The following CROCC2 variants were observed in gnomAD, a reference collection of about 807,000 sequenced individuals.
CROCC2 encodes ciliary rootlet coiled-coil, rootletin family member 2.
CROCC2 carries 163 observed loss-of-function variants against 177.6 expected under a neutral mutation model. That is an observed-to-expected ratio of 0.92 (90% CI 0.81 to 1.05). CROCC2 has a LOEUF of 1.05. CROCC2 is among the 50% of genes least tolerant of loss of function. The pLI is 0.00. For missense variants in CROCC2, 1,929 were observed against 1,797.8 expected (o/e 1.07, Z -1.32); for synonymous variants, 904 against 787.3 (o/e 1.15, Z -2.48).
rs1291402055 is a variant in CROCC2, at chr2:240,989,828, G to A, written c.4858G>A (p.Glu1620Lys). The change falls in exon 30 of 32, where the codon GAG becomes AAG. Residue 1620 changes from glutamate (E) to lysine (K), a missense_variant. Coordinates refer to ENST00000690015, the MANE Select transcript of CROCC2 (RefSeq NM_001351305.2). ...CCAGCAGCAGGTAAAGGTGCTGGAA[G>A]AGCAGGTAAGGTCGGGACCCCAGCC... ...THQQQVKVLE[E>K]QVASLKEQLD... 3 of 1,540,578 alleles carry A rather than the reference G, an allele frequency of 1.9e-6. No homozygotes were observed. Among genetic ancestry groups the A allele is most frequent in the Non-Finnish European group, 2.6e-6 (3 of 1,139,498 alleles).
intron 1 of CROCC2, among the ~76,000 whole-genome samples, chr2:240,915,723 C>T (rs1014039413): frequency 6.6e-6 from 1 of 152,120 alleles, no homozygotes; most frequent in East Asian, 1.9e-4. Flanking sequence ...CCTGCTGGGC[C>T]ACCCCCCTCA....
chr2:240,926,806 G>A (rs1262299767), intron 5 of CROCC2, among the ~76,000 whole-genome samples: 1 of 152,282 alleles, frequency 6.6e-6, no homozygotes. Context: ...GAGAGGGAAT[G>A]CCGGCCTCTG....
intron 5 of CROCC2, among the ~76,000 whole-genome samples, chr2:240,926,328 G>C (rs188592846): frequency 6.6e-6 from 1 of 152,188 alleles, no homozygotes; most frequent in Non-Finnish European, 1.5e-5. Flanking sequence ...GAGACCCTGA[G>C]GCATGCAGGG....
Position 240,974,008 on chromosome 2 carries a change from G to A in CROCC2, c.4401+5746G>A, listed in dbSNP as rs146160205. Among the ~76,000 whole-genome samples the A allele has an allele frequency of 1.3e-3, 195 of 152,168 alleles. 2 individuals carry two copies. The highest frequency in any genetic ancestry group is 4.4e-3 in the African/African-American group (184 of 41,506). On this transcript the variant is annotated intron_variant, in intron 27 of 31. Coordinates refer to ENST00000690015, the MANE Select transcript of CROCC2 (RefSeq NM_001351305.2). ...TGCTTTCGTTTTCCATTTCTTCTCG[G>A]GTCAGTTTTGCCCTGTGGGAGTGTA...
chr2:240,927,135 T>C (rs2059400277), intron 5 of CROCC2, among the ~76,000 whole-genome samples: 1 of 152,232 alleles, frequency 6.6e-6, no homozygotes, highest in Non-Finnish European at 1.5e-5. Context: ...CTCCTTCCGC[T>C]GCTGCTGTTG....
In CROCC2 at chr2:240,966,354, T is replaced by G; in HGVS notation, c.4091T>G (p.Val1364Gly). 2.5e-6 allele frequency: 1 copy of G among 403,718 alleles called. No individual in the cohort carries two copies. Among genetic ancestry groups the G allele is most frequent in the Non-Finnish European group, 4.4e-6 (1 of 228,568 alleles). 25.0% of individuals were successfully genotyped at this position (403,718 alleles called of 1,614,324 possible). Residue 1364 changes from valine (V) to glycine (G), a missense_variant, in exon 25 of 32, where the codon GTG (valine) becomes GGG (glycine). This residue lies in a region of CROCC2 where 388 missense variants were observed against 352.7 expected (regional missense o/e 1.10). Coordinates refer to ENST00000690015, the MANE Select transcript of CROCC2 (RefSeq NM_001351305.2). ...TCAGAGCTCATGGATGTGGCCACCGTGCAGGACATCCTGCGGGACTTTGTG... is the reference window on the plus strand; with the variant it reads ...TCAGAGCTCATGGATGTGGCCACCGGGCAGGACATCCTGCGGGACTTTGTG... ...RSSELMDVATVQDILRDFVQK... is the reference protein window; with the variant it reads ...RSSELMDVATGQDILRDFVQK...
rs76892844 is a variant in CROCC2, at chr2:240,910,457, G to A, written c.78+3866G>A. 2.3e-3 allele frequency among the ~76,000 whole-genome samples: 352 copies of A among 152,224 alleles called. 7 individuals are homozygous for A. Among genetic ancestry groups the A allele is most frequent in the Admixed American group, 0.018 (280 of 15,298 alleles). ...TCCAAATTTTCAAGTTGTTGAAATT[G>A]GCAAAAGTTGTTCACAATATCTTCT... On this transcript the variant is annotated intron_variant, in intron 1 of 31. Coordinates refer to ENST00000690015, the MANE Select transcript of CROCC2 (RefSeq NM_001351305.2).
chr2:240,930,033 A>G (rs2059417551), intron 5 of CROCC2, 133 bp from the exon 6 acceptor site: 2 of 526,236 alleles, frequency 3.8e-6, no homozygotes, highest in East Asian at 5.8e-5. Flanking sequence ...TTTGCCTGTG[A>G]GATATGGGGG....
At chr2:240,983,096 G>T in intron 28 of CROCC2, 67 bp downstream of exon 28, 1 of 1,433,674 alleles carries the variant, frequency 7.0e-7, no homozygotes, top group Non-Finnish European at 9.5e-7. Flanking sequence ...ACAGGGAAGA[G>T]GCCCTGTGGT....
In CROCC2 at chr2:240,906,337, T is replaced by C. The variant is rs2106446916; in HGVS notation, c.-177T>C. ...CAATGCCTACGGGCTCAGCTGGCCA[T>C]ACTGTCTTACCCACAGGGCAAGAGC... is the stretch of plus-strand genomic sequence containing the variant. On this transcript the variant is annotated 5_prime_UTR_variant, in exon 1 of 32. Transcript: ENST00000690015. 1 of 396,390 alleles carries C rather than the reference T, an allele frequency of 2.5e-6. No individual in the cohort carries two copies. The highest frequency in any genetic ancestry group is 3.6e-5 in the East Asian group (1 of 27,970). 24.6% of individuals were successfully genotyped at this position (396,390 alleles called of 1,614,324 possible).
chr2:240,965,755 G>A lies in CROCC2; in HGVS notation c.3723G>A (p.Leu1241=). The A allele has an allele frequency of 1.3e-6, 2 of 1,520,922 alleles. No homozygotes were observed. The highest frequency in any genetic ancestry group is 2.5e-5 in the East Asian group (1 of 40,684). 94.2% of individuals were successfully genotyped at this position (1,520,922 alleles called of 1,614,324 possible). A position where few individuals can be genotyped will look rare whatever the true frequency, so the allele number is the denominator to read the frequency against. ...CTGAGCAGACCCTCCGAGCAGAGCT[G>A]CACAGTGTCACCAGGAAGCTGCAGG... ...RGAEQTLRAE[L]HSVTRKLQEA... is the part of the protein sequence containing the mutation. The change falls in exon 24 of 32, where the codon CTG becomes CTA. Residue 1241 remains leucine (L), a synonymous_variant. Coordinates refer to ENST00000690015, the MANE Select transcript of CROCC2 (RefSeq NM_001351305.2).
rs77241556 is a variant in CROCC2, at chr2:240,915,426, A to T, written c.79-3300A>T. ...AGGCAGCTGAGGCCACACGTGGTCC[A>T]TCCACTGCACCCTCACAGAGCCTCA... is the stretch of plus-strand genomic sequence containing the variant. On this transcript the variant is annotated intron_variant, in intron 1 of 31. Coordinates refer to ENST00000690015, the MANE Select transcript of CROCC2 (RefSeq NM_001351305.2). Among the ~76,000 whole-genome samples, 434 of 152,306 alleles carry T rather than the reference A, an allele frequency of 2.8e-3. 20 individuals carry two copies. The East Asian group carries it at 0.069, about 24-fold the overall frequency.
chr2:240,926,309 C>A (rs2106457808), intron 5 of CROCC2, among the ~76,000 whole-genome samples: 1 of 152,306 alleles, frequency 6.6e-6, no homozygotes, highest in South Asian at 2.1e-4. Flanking sequence ...CTTTCCCACT[C>A]CAACTTCTGA....
intron 26 of CROCC2, among the ~76,000 whole-genome samples, chr2:240,967,867 G>C (rs908565586): frequency 3.3e-5 from 5 of 151,090 alleles, no homozygotes; most frequent in Non-Finnish European, 5.9e-5. Context: ...CACCCCCTCA[G>C]AGAGGCCCCT....
chr2:240,933,456 G>T, intron 10 of CROCC2, 114 bp downstream of exon 10: 1 of 1,216,876 alleles, frequency 8.2e-7, no homozygotes, highest in South Asian at 1.6e-5. Context: ...AGCCGGGGAG[G>T]GGTCCTTGCC....
At chr2:240,983,594 G>C (rs1476748064) in intron 28 of CROCC2, 1 of 1,282,788 alleles carries the variant, frequency 7.8e-7, no homozygotes, top group Admixed American at 2.3e-5. Context: ...CGGCAGCGGT[G>C]GTCCTTAGAG....
At chr2:240,941,745 A>G (rs1305897842) in intron 14 of CROCC2, among the ~76,000 whole-genome samples, 1 of 152,224 alleles carries the variant, frequency 6.6e-6, no homozygotes, top group African/African-American at 2.4e-5. Context: ...AGACCCTTCC[A>G]GCAATACATT....
intron 13 of CROCC2, 127 bp from the exon 14 acceptor site, chr2:240,935,231 A>G: frequency 8.4e-7 from 1 of 1,187,022 alleles, no homozygotes; most frequent in Non-Finnish European, 1.1e-6. Flanking sequence ...GAGGGAGGGA[A>G]GAGAGTGCCC....
intron 1 of CROCC2, among the ~76,000 whole-genome samples, chr2:240,915,368 G>C (rs965839070): frequency 1.3e-5 from 2 of 152,252 alleles, no homozygotes; most frequent in African/African-American, 4.8e-5. Flanking sequence ...CCAGCAGCTT[G>C]CATTTCCCAG....
Sources: allele counts gnomAD v4.1 joint callset (sites outside exome capture counted in the v4.1 genomes callset), GRCh38; gene constraint gnomAD v4.1.1; regional missense constraint gnomAD v4.1.1; transcripts MANE v1.5; gene names NCBI Gene and HGNC (gene_info 2026-07-23, HGNC 2026-07-21).